Variants in ANKS1B observed in about 807,000 individuals in gnomAD.
ANKS1B encodes ankyrin repeat and sterile alpha motif domain containing 1B.
A neutral mutation model predicts 148.3 loss-of-function variants in ANKS1B; 36 were observed. The ratio of observed to expected loss-of-function variants is 0.24; its 90% CI spans 0.19 to 0.32. The LOEUF is 0.32. Among genes scored for constraint, ANKS1B ranks in the 10% least tolerant of loss-of-function variants. The pLI is 1.00. For synonymous variants in ANKS1B, 542 were observed against 560.8 expected (o/e 0.97, Z 0.47); for missense variants, 1,157 against 1,542.6 (o/e 0.75, Z 4.19).
chr12:98,905,573 C>A (rs1398985421), intron 17 of ANKS1B, among the ~76,000 whole-genome samples: 1 of 151,994 alleles, frequency 6.6e-6, no homozygotes, highest in Non-Finnish European at 1.5e-5. Context: ...AGTTTGAGAC[C>A]ATCCTGGACA....
chr12:99,608,990 T>C (rs1567466796), intron 9 of ANKS1B, among the ~76,000 whole-genome samples: 1 of 151,804 alleles, frequency 6.6e-6, no homozygotes, highest in Non-Finnish European at 1.5e-5. Context: ...TCTGGGGAGA[T>C]CTTAAGTTCA....
At chr12:99,247,022 A>G (rs1602042712) in intron 12 of ANKS1B, among the ~76,000 whole-genome samples, 158 bp from the exon 13 acceptor site, 1 of 152,228 alleles carries the variant, frequency 6.6e-6, no homozygotes, top group Non-Finnish European at 1.5e-5. Context: ...CCACAGTGCC[A>G]TGTATAGAAT....
At chr12:99,362,066 G>T (rs997903153) in intron 12 of ANKS1B, among the ~76,000 whole-genome samples, 1 of 151,878 alleles carries the variant, frequency 6.6e-6, no homozygotes, top group African/African-American at 2.4e-5. Context: ...CCTAATAATC[G>T]ACTTCATTGT....
chr12:99,934,038 T>A (rs1011618144), intron 1 of ANKS1B, among the ~76,000 whole-genome samples: 1 of 152,166 alleles, frequency 6.6e-6, no homozygotes, highest in African/African-American at 2.4e-5. Flanking sequence ...TCATATAGTT[T>A]TTGTCCTTCA....
chr12:98,778,033 T>G (rs1408929118), intron 24 of ANKS1B, among the ~76,000 whole-genome samples: 17 of 152,228 alleles, frequency 1.1e-4, no homozygotes, highest in Non-Finnish European at 2.9e-5. Context: ...GCTGTGTGAC[T>G]GCAGGGCAGC....
At chr12:99,029,832 G>C (rs1035256931) in intron 17 of ANKS1B, among the ~76,000 whole-genome samples, 2 of 152,232 alleles carry the variant, frequency 1.3e-5, no homozygotes, top group African/African-American at 4.8e-5. Flanking sequence ...GCTCCACCAT[G>C]TTCTCAATGT....
chr12:99,378,652 CAAAAAAAA>C (rs140892353), intron 12 of ANKS1B, among the ~76,000 whole-genome samples: 3 of 90,714 alleles, frequency 3.3e-5, no homozygotes, highest in African/African-American at 1.1e-4. Context: ...GACTCCATCT[CAAAAAAAA>C]AAAAAAAAAA....
intron 8 of ANKS1B, among the ~76,000 whole-genome samples, chr12:99,732,582 G>A (rs1374330982): frequency 6.6e-6 from 1 of 152,060 alleles, no homozygotes; most frequent in African/African-American, 2.4e-5. Flanking sequence ...CCTCAGGGTG[G>A]GACTGTTGTG....
chr12:99,250,205 A>G (rs945887692), intron 12 of ANKS1B, among the ~76,000 whole-genome samples: 5 of 152,210 alleles, frequency 3.3e-5, no homozygotes, highest in African/African-American at 1.2e-4. Context: ...TCTGGGGCAT[A>G]AGAACTGTAC....
intron 1 of ANKS1B, among the ~76,000 whole-genome samples, chr12:99,926,523 C>T (rs1463660925): frequency 6.6e-6 from 1 of 152,190 alleles, no homozygotes; most frequent in Non-Finnish European, 1.5e-5. Context: ...TGAACTGAAA[C>T]ATCAGCTCTT....
At chr12:98,855,102 T>C (rs2099556047) in intron 17 of ANKS1B, among the ~76,000 whole-genome samples, 1 of 145,432 alleles carries the variant, frequency 6.9e-6, no homozygotes, top group South Asian at 2.1e-4. Flanking sequence ...GAGCTTGCAG[T>C]GAGCTGAGAT....
intron 8 of ANKS1B, among the ~76,000 whole-genome samples, chr12:99,672,122 G>A (rs2098541017): frequency 6.6e-6 from 1 of 151,980 alleles, no homozygotes. Context: ...CCCTGACCCA[G>A]GTTCAAATGC....
At chr12:98,841,036 T>C (rs2099403000) in intron 17 of ANKS1B, among the ~76,000 whole-genome samples, 1 of 152,182 alleles carries the variant, frequency 6.6e-6, no homozygotes, top group Admixed American at 6.5e-5. Flanking sequence ...TACATAAAAA[T>C]GCTCTGCATC....
chr12:99,182,473 T>C (rs2153861205), intron 14 of ANKS1B, among the ~76,000 whole-genome samples: 1 of 152,346 alleles, frequency 6.6e-6, no homozygotes, highest in South Asian at 2.1e-4. Flanking sequence ...TGTTCCATCG[T>C]TGTTGCTGCA....
intron 9 of ANKS1B, among the ~76,000 whole-genome samples, chr12:99,638,420 G>T (rs887414247): frequency 6.6e-6 from 1 of 152,168 alleles, no homozygotes; most frequent in Non-Finnish European, 1.5e-5. Context: ...TGAGGAACTT[G>T]TTGGGAACTG....
At chr12:99,217,067 T>G (rs796257260) in intron 14 of ANKS1B, among the ~76,000 whole-genome samples, 1 of 152,180 alleles carries the variant, frequency 6.6e-6, no homozygotes, top group East Asian at 1.9e-4. Flanking sequence ...TGGGCCCTGA[T>G]GATTTTGGAG....
chr12:98,740,416 G>A (rs1477017788), downstream of ANKS1B, among the ~76,000 whole-genome samples: 3 of 152,142 alleles, frequency 2.0e-5, no homozygotes, highest in Admixed American at 1.3e-4. Context: ...TGCCTGCTCT[G>A]CCCATAACAT....
chr12:99,417,611 T>C (rs562051945), intron 11 of ANKS1B, among the ~76,000 whole-genome samples: 3 of 152,154 alleles, frequency 2.0e-5, no homozygotes, highest in Non-Finnish European at 2.9e-5. Flanking sequence ...ATAGGAATTA[T>C]GTTAAATCTA....
intron 1 of ANKS1B, among the ~76,000 whole-genome samples, chr12:99,973,591 G>A (rs7316765): frequency 0.32 from 48,490 of 152,008 alleles, 8,597 homozygotes; most frequent in African/African-American, 0.45. Context: ...CAAATAAATA[G>A]ATAAAACATT....
Sources: allele counts gnomAD v4.1 joint callset (sites outside exome capture counted in the v4.1 genomes callset), GRCh38; gene constraint gnomAD v4.1.1; transcripts MANE v1.5; gene names NCBI Gene and HGNC (gene_info 2026-07-23, HGNC 2026-07-21).